WDR17: variants seen among roughly 807,000 people sequenced by gnomAD.
The protein encoded by WDR17 is WD repeat-containing protein 17.
WDR17 carries 143 observed loss-of-function variants against 161.7 expected under a neutral mutation model. That is an observed-to-expected ratio of 0.88 (90% CI 0.77 to 1.02). WDR17 has a LOEUF of 1.02. Among genes scored for constraint, WDR17 ranks in the 50% least tolerant of loss-of-function variants. The pLI is 0.00. For synonymous variants in WDR17, 517 were observed against 515.6 expected (o/e 1.00, Z -0.04); for missense variants, 1,469 against 1,520.9 (o/e 0.97, Z 0.57).
intron 1 of WDR17, chr4:176,096,373 G>A (rs1669225270): frequency 2.2e-6 from 1 of 463,566 alleles, no homozygotes; most frequent in Non-Finnish European, 3.8e-6. Flanking sequence ...TGAAATATTT[G>A]TGCAGTTCTA....
At chr4:176,085,052 C>G (rs951991886) in intron 1 of WDR17, among the ~76,000 whole-genome samples, 1 of 151,664 alleles carries the variant, frequency 6.6e-6, no homozygotes, top group Non-Finnish European at 1.5e-5. Flanking sequence ...AAACCTCAGT[C>G]TTTTGCAAGA....
Position 176,149,485 on chromosome 4 carries a change from A to T in WDR17, c.1898-322A>T, listed in dbSNP as rs1237032939. On this transcript the variant is annotated intron_variant, in intron 13 of 28. Coordinates refer to ENST00000508596, the MANE Select transcript of WDR17 (RefSeq NM_181265.4). ...GTATTTCATCATGTTGCCCAGGCCGATCTCAAACTCCTGGGCTCAAGGGAT... is the reference window on the plus strand; with the variant it reads ...GTATTTCATCATGTTGCCCAGGCCGTTCTCAAACTCCTGGGCTCAAGGGAT... Among the ~76,000 whole-genome samples the T allele has an allele frequency of 3.3e-5, 5 of 151,946 alleles. No individual in the cohort carries two copies. In the South Asian group the frequency reaches 1.0e-3, roughly 32 times the overall value.
In WDR17 at chr4:176,148,121, T is replaced by C. The variant is rs994107548; in HGVS notation, c.1695-12T>C. 8 of 1,611,930 alleles carry C rather than the reference T, an allele frequency of 5.0e-6. No homozygotes were observed. The highest frequency in any genetic ancestry group is 4.4e-5 in the South Asian group (4 of 90,930). ...CTTGAATGTTATCACACCCATAATA[T>C]TCTGTTTTCAGTACCGTTCGAATCT... On this transcript the variant is annotated splice_polypyrimidine_tract_variant and intron_variant, in intron 12 of 28. Transcript: ENST00000508596.
chr4:176,171,750 ACT>A (rs2126881860), intron 23 of WDR17, among the ~76,000 whole-genome samples: 1 of 149,056 alleles, frequency 6.7e-6, no homozygotes, highest in African/African-American at 2.5e-5. Context: ...AGAGGATCAG[ACT>A]CTCAGTTTTA....
In WDR17 at chr4:176,117,757, A is replaced by G. The variant is rs999432705; in HGVS notation, c.307+1778A>G. ...TTTTCATGTTTTTCCTTTCTTTGAA[A>G]ATTTTCAGCTATCAATATCTCCCTC... On this transcript the variant is annotated intron_variant, in intron 3 of 28. Transcript: ENST00000508596. 2.0e-5 allele frequency among the ~76,000 whole-genome samples: 3 copies of G among 152,208 alleles called. No individual in the cohort carries two copies. In the South Asian group the frequency reaches 6.2e-4, roughly 32 times the overall value.
At position 176,125,086 on chromosome 4, in the gene WDR17, A is replaced by C. The variant is rs749583889; in HGVS notation, c.539-18A>C. 1.2e-6 allele frequency: 2 copies of C among 1,609,492 alleles called. No individual in the cohort carries two copies. ...TTCTGCAAGTTTTTTGGAAATAATT[A>C]TCTCTGTATTTTAACAGGTAATAAA... is the stretch of plus-strand genomic sequence containing the variant. On this transcript the variant is annotated intron_variant, in intron 4 of 28. Transcript: ENST00000508596.
At chr4:176,107,899 C>T (rs1239283440) in intron 1 of WDR17, among the ~76,000 whole-genome samples, 1 of 144,676 alleles carries the variant, frequency 6.9e-6, no homozygotes, top group East Asian at 2.1e-4. Context: ...TTTTTTCCTT[C>T]CCTCCTTCCT....
At chr4:176,089,987 C>T (rs971033689) in intron 1 of WDR17, among the ~76,000 whole-genome samples, 7 of 152,076 alleles carry the variant, frequency 4.6e-5, no homozygotes, top group Non-Finnish European at 1.0e-4. Flanking sequence ...CCTGCCTGGT[C>T]ATTATTTTAT....
intron 17 of WDR17, among the ~76,000 whole-genome samples, chr4:176,152,501 G>T (rs1018117545): frequency 1.3e-5 from 2 of 149,958 alleles, no homozygotes; most frequent in Non-Finnish European, 3.0e-5. Context: ...AGCTACTTGG[G>T]AGGCTGAGGC....
At chr4:176,138,654 T>C (rs531756865) in intron 9 of WDR17, among the ~76,000 whole-genome samples, 1 of 151,882 alleles carries the variant, frequency 6.6e-6, no homozygotes, top group African/African-American at 2.4e-5. Flanking sequence ...TGGCCCAGAT[T>C]CAAAAATTGT....
At chr4:176,094,420 CAA>C (rs1346149421) in intron 1 of WDR17, among the ~76,000 whole-genome samples, 1 of 152,090 alleles carries the variant, frequency 6.6e-6, no homozygotes, top group Non-Finnish European at 1.5e-5. Flanking sequence ...GGAGCACAGA[CAA>C]GAGATTTGAG....
chr4:176,128,766 G>C lies in WDR17; in HGVS notation c.819G>C (p.Trp273Cys). Residue 273 changes from tryptophan to cysteine, a missense_variant, in exon 6 of 29, where the codon TGG (tryptophan) becomes TGC (cysteine). By Grantham distance (215) the Trp-to-Cys change is radical. Transcript: ENST00000508596. ...GDSQVGVLRI[W>C]NVSRTTPIDN... ...CTCAAGTGGGTGTTTTACGCATTTGGAATGTTTCAAGAACAACACCTATTG... is the reference window on the plus strand; with the variant it reads ...CTCAAGTGGGTGTTTTACGCATTTGCAATGTTTCAAGAACAACACCTATTG... 1 of 1,603,042 alleles carries C rather than the reference G, an allele frequency of 6.2e-7. No individual in the cohort carries two copies. The highest frequency in any genetic ancestry group is 8.5e-7 in the Non-Finnish European group (1 of 1,176,180).
At chr4:176,158,301 G>A (rs993613272) in intron 18 of WDR17, among the ~76,000 whole-genome samples, 2 of 152,194 alleles carry the variant, frequency 1.3e-5, no homozygotes, top group Non-Finnish European at 2.9e-5. Flanking sequence ...ATGTAGTGAT[G>A]TGGGGACTGA....
At chr4:176,116,093 A>C (rs575293748) in intron 3 of WDR17, 114 bp downstream of exon 3, 2 of 1,063,336 alleles carry the variant, frequency 1.9e-6, no homozygotes, top group East Asian at 5.7e-5. Context: ...CTTAATGGTA[A>C]TCTGTATAAG....
rs116240732 is a variant in WDR17, at chr4:176,131,535, T to G, written c.914-19T>G. 1,176 of 1,586,142 alleles carry G rather than the reference T, an allele frequency of 7.4e-4. 9 individuals are homozygous for G. In the African/African-American group the frequency reaches 0.014, roughly 19 times the overall value. On this transcript the variant is annotated intron_variant, in intron 6 of 28. Coordinates refer to ENST00000508596, the MANE Select transcript of WDR17 (RefSeq NM_181265.4). ...TCTGTGGTTTCATTCCAATAGGATT[T>G]TTTTTCTTCTATTTTTAGTTTCAGT... is the stretch of plus-strand genomic sequence containing the variant.
intron 1 of WDR17, among the ~76,000 whole-genome samples, chr4:176,087,512 A>G (rs1000511726): frequency 6.6e-6 from 1 of 152,144 alleles, no homozygotes; most frequent in Non-Finnish European, 1.5e-5. Flanking sequence ...GGAGCTTGGT[A>G]GCTTCAGAAA....
At chr4:176,152,306 A>C (rs925214920) in intron 17 of WDR17, among the ~76,000 whole-genome samples, 1 of 148,830 alleles carries the variant, frequency 6.7e-6, no homozygotes, top group Non-Finnish European at 1.5e-5. Flanking sequence ...AAAAAAAAAA[A>C]AAAAAAAAGC....
At position 176,115,927 on chromosome 4, in the gene WDR17, C is replaced by A. The variant is rs1740549521; in HGVS notation, c.255C>A (p.Ile85=). ...GTGGCAGTACTGATAATTTAGTGAT[C>A]ATTTGGAATGTTGCAGAACAAAAAG... The part of the protein sequence containing the change: ...FASGSTDNLV[I]IWNVAEQKVI... The change falls in exon 3 of 29, where the codon ATC becomes ATA. Residue 85 remains isoleucine, a synonymous_variant. Coordinates refer to ENST00000508596, the MANE Select transcript of WDR17 (RefSeq NM_181265.4). 22 of 1,610,042 alleles carry A rather than the reference C, an allele frequency of 1.4e-5. No individual in the cohort carries two copies. Among genetic ancestry groups the A allele is most frequent in the Non-Finnish European group, 1.9e-5 (22 of 1,177,952 alleles).
chr4:176,155,545 G>GTTTTTTTTTTTTT (rs869207103), intron 17 of WDR17, among the ~76,000 whole-genome samples: 9,402 of 103,572 alleles, frequency 0.091, 956 homozygotes, highest in Non-Finnish European at 0.13. Flanking sequence ...ATTTGTTTGT[G>GTTTTTTTTTTTTT]TTTTTTTTTT....
Sources: allele counts gnomAD v4.1 joint callset (sites outside exome capture counted in the v4.1 genomes callset), GRCh38; gene constraint gnomAD v4.1.1; transcripts MANE v1.5; gene names NCBI Gene and HGNC (gene_info 2026-07-23, HGNC 2026-07-21).